Variants in RNF144A observed in about 807,000 individuals in gnomAD.
RNF144A encodes E3 ubiquitin-protein ligase RNF144A.
Under a neutral mutation model 38.7 loss-of-function variants are expected in RNF144A, and 11 were observed. The ratio of observed to expected loss-of-function variants is 0.28; its 90% confidence interval spans 0.18 to 0.47. The LOEUF is 0.47. Ranked by LOEUF, RNF144A falls within the 20% of genes least tolerant of loss-of-function variation. The pLI is 0.99. For missense variants in RNF144A, 316 were observed against 377.2 expected (o/e 0.84, Z 1.34); for synonymous variants, 149 against 143.9 (o/e 1.04, Z -0.25).
intron 2 of RNF144A, among the ~76,000 whole-genome samples, chr2:6,955,562 G>A (rs1218196279): frequency 2.6e-5 from 4 of 152,118 alleles, no homozygotes; most frequent in African/African-American, 9.7e-5. Context: ...TTCAAGCAAA[G>A]CCAATTAGGA....
At chr2:7,024,881 C>T (rs965813104) in intron 7 of RNF144A, among the ~76,000 whole-genome samples, 6 of 152,036 alleles carry the variant, frequency 3.9e-5, no homozygotes, top group African/African-American at 1.5e-4. Flanking sequence ...GACATTTATT[C>T]CTCATGGTTC....
chr2:7,043,928 AAATC>A lies in RNF144A; in HGVS notation c.*4171_*4174del, dbSNP rs1673196321. ...GTATTTGACAAGTGGTGGTGAAACAAAATCAAAACAGATTTGATTTGTGTTTTTG... is the reference window on the plus strand; with the variant it reads ...GTATTTGACAAGTGGTGGTGAAACAAAAAACAGATTTGATTTGTGTTTTTG... On this transcript the variant is annotated 3_prime_UTR_variant, in exon 9 of 9. Coordinates refer to ENST00000320892, the MANE Select transcript of RNF144A (RefSeq NM_014746.6). The A allele has an allele frequency of 4.1e-6, 4 of 985,888 alleles. No individual in the cohort carries two copies. The highest frequency in any genetic ancestry group is 4.8e-6 in the Non-Finnish European group (4 of 829,926). 61.1% of individuals were successfully genotyped at this position (985,888 alleles called of 1,614,324 possible). A position where few individuals can be genotyped will look rare whatever the true frequency, so the allele number is the denominator to read the frequency against.
chr2:6,933,532 G>T (rs116257627), intron 1 of RNF144A, among the ~76,000 whole-genome samples: 3,684 of 152,162 alleles, frequency 0.024, 116 homozygotes, highest in African/African-American at 0.082. Flanking sequence ...TTCTCTCAGT[G>T]TATAGTATCT....
Position 7,040,184 on chromosome 2 carries a change from A to T in RNF144A, c.*424A>T. The T allele has an allele frequency of 1.0e-6, 1 of 990,496 alleles. No homozygotes were observed. The highest frequency in any genetic ancestry group is 1.2e-6 in the Non-Finnish European group (1 of 833,478). The allele number at this position is 990,496 out of a possible 1,614,324, so 61.4% of individuals were successfully genotyped here. On this transcript the variant is annotated 3_prime_UTR_variant, in exon 9 of 9. Transcript: ENST00000320892. ...CAGAATCTGATTATTCCAGCTTGAG[A>T]GAAGCACTCTGTTTATGACAACTGT... is the stretch of plus-strand genomic sequence containing the variant.
chr2:7,008,709 G>T (rs1670609536), intron 3 of RNF144A, among the ~76,000 whole-genome samples: 1 of 152,168 alleles, frequency 6.6e-6, no homozygotes, highest in Non-Finnish European at 1.5e-5. Flanking sequence ...ACACTGGAAG[G>T]GGCGGTCTCT....
At chr2:7,051,853 G>T (rs563883994) in intron 6 of RNF144A, among the ~76,000 whole-genome samples, 1 of 152,256 alleles carries the variant, frequency 6.6e-6, no homozygotes, top group Non-Finnish European at 1.5e-5. Context: ...TGCCCTGGCT[G>T]CTCCACTCCG....
At chr2:6,992,157 T>G (rs1028271739) in intron 2 of RNF144A, among the ~76,000 whole-genome samples, 1 of 152,154 alleles carries the variant, frequency 6.6e-6, no homozygotes, top group Non-Finnish European at 1.5e-5. Context: ...ATAGACTTGG[T>G]TGGAAATGCT....
At chr2:7,036,444 C>T (rs1171687382) in intron 8 of RNF144A, among the ~76,000 whole-genome samples, 9 of 152,156 alleles carry the variant, frequency 5.9e-5, no homozygotes, top group Admixed American at 2.6e-4. Context: ...GAGACTGAGC[C>T]GAAGGACCAG....
Position 7,039,959 on chromosome 2 carries a change from G to A in RNF144A, c.*199G>A. The A allele has an allele frequency of 1.4e-6, 2 of 1,398,660 alleles. No homozygotes were observed. The highest frequency in any genetic ancestry group is 1.9e-6 in the Non-Finnish European group (2 of 1,077,018). The allele number at this position is 1,398,660 out of a possible 1,614,324, so 86.6% of individuals were successfully genotyped here. A position where few individuals can be genotyped will look rare whatever the true frequency, so the allele number is the denominator to read the frequency against. ...GGCCCCAGGTGTGGTGGGGAGGGGA[G>A]GCAGGTGTGGGTAGCGCACATCCCC... On this transcript the variant is annotated 3_prime_UTR_variant, in exon 9 of 9. Transcript: ENST00000320892.
At chr2:6,935,296 C>T (rs548691010) in intron 1 of RNF144A, among the ~76,000 whole-genome samples, 2 of 152,344 alleles carry the variant, frequency 1.3e-5, no homozygotes, top group Admixed American at 1.3e-4. Context: ...TGGTCATCCT[C>T]TTTGGTCTTA....
intron 2 of RNF144A, among the ~76,000 whole-genome samples, chr2:6,987,091 T>C (rs1334839073): frequency 2.6e-5 from 4 of 152,296 alleles, no homozygotes; most frequent in Non-Finnish European, 4.4e-5. Context: ...AAACCGGCCA[T>C]GATGTTGAAG....
intron 1 of RNF144A, among the ~76,000 whole-genome samples, chr2:6,928,431 G>A (rs990031962): frequency 1.3e-5 from 2 of 152,160 alleles, no homozygotes; most frequent in Non-Finnish European, 2.9e-5. Flanking sequence ...AATGGATCTT[G>A]CACATATATT....
chr2:6,985,244 T>C (rs1220463361), intron 2 of RNF144A, among the ~76,000 whole-genome samples: 1 of 150,852 alleles, frequency 6.6e-6, no homozygotes, highest in Non-Finnish European at 1.5e-5. Flanking sequence ...TCATTTTGCA[T>C]GTTTTAATTC....
intron 6 of RNF144A, among the ~76,000 whole-genome samples, chr2:7,053,944 G>A (rs756384726): frequency 6.6e-6 from 1 of 152,228 alleles, no homozygotes; most frequent in Admixed American, 6.5e-5. Context: ...GCAGGCACTG[G>A]TGCCCAGAGA....
intron 2 of RNF144A, among the ~76,000 whole-genome samples, chr2:6,945,878 A>T (rs531725883): frequency 2.0e-4 from 30 of 152,252 alleles, no homozygotes; most frequent in African/African-American, 7.2e-4. Context: ...GAGGAAAGAG[A>T]TGAGGAGAAC....
intron 7 of RNF144A, among the ~76,000 whole-genome samples, chr2:7,028,877 C>T (rs1672093935): frequency 6.6e-6 from 1 of 152,264 alleles, no homozygotes; most frequent in South Asian, 2.1e-4. Context: ...GGACCCCAGC[C>T]CCCAGCCAAA....
At chr2:6,939,593 T>C (rs1665832330) in intron 1 of RNF144A, among the ~76,000 whole-genome samples, 1 of 152,372 alleles carries the variant, frequency 6.6e-6, no homozygotes, top group East Asian at 1.9e-4. Context: ...TTACAATGTA[T>C]CTATTTTTTC....
intron 1 of RNF144A, among the ~76,000 whole-genome samples, chr2:6,935,544 T>C (rs1665516198): frequency 6.6e-6 from 1 of 152,214 alleles, no homozygotes; most frequent in African/African-American, 2.4e-5. Flanking sequence ...CTCATTTGGC[T>C]TCCAGTGTTA....
At chr2:7,062,662 C>T (rs1026975322) in intron 6 of RNF144A, 5 of 152,250 alleles carry the variant, frequency 3.3e-5, no homozygotes, top group African/African-American at 1.2e-4. Context: ...AGTTTGCTCA[C>T]CACTGATACT....
Sources: allele counts gnomAD v4.1 joint callset (sites outside exome capture counted in the v4.1 genomes callset), GRCh38; gene constraint gnomAD v4.1.1; transcripts MANE v1.5; gene names NCBI Gene and HGNC (gene_info 2026-07-23, HGNC 2026-07-21).